Variants in CFAP44 observed in about 807,000 individuals in gnomAD.
CFAP44 encodes the protein cilia- and flagella-associated protein 44.
A neutral mutation model predicts 216.2 loss-of-function variants in CFAP44; 134 were observed. The ratio of observed to expected loss-of-function variants is 0.62; its 90% CI spans 0.54 to 0.72. The LOEUF is 0.72. Among genes scored for constraint, CFAP44 ranks in the 30% least tolerant of loss-of-function variants. The pLI, the probability that CFAP44 is intolerant of heterozygous loss-of-function variation, is 0.00. For missense variants in CFAP44, 2,035 were observed against 2,182.1 expected, an observed-to-expected ratio of 0.93 and a Z score of 1.34; for synonymous variants, 700 against 727.6, an observed-to-expected ratio of 0.96 and a Z score of 0.61.
rs560842165 is a variant in CFAP44, at chr3:113,302,750, G to C, written c.5077+1166C>G. 2.1e-5 allele frequency among the ~76,000 whole-genome samples: 3 copies of C among 139,926 alleles called. No homozygotes were observed. The South Asian group carries it at 6.9e-4, about 32-fold the overall frequency. The allele number at this position is 139,926 out of a possible 152,430, so 91.8% of individuals were successfully genotyped here. A position where few individuals can be genotyped will look rare whatever the true frequency, so the allele number is the denominator to read the frequency against. ...CGATAGAGGTGAGACTCCAGCCTGGGCGATAGAGTGAGACTCCATCTCAAA... is the reference window on the plus strand; with the variant it reads ...CGATAGAGGTGAGACTCCAGCCTGGCCGATAGAGTGAGACTCCATCTCAAA... On this transcript the variant is annotated intron_variant, in intron 32 of 34. Transcript: ENST00000393845.
In CFAP44 at chr3:113,401,775, G is replaced by C. The variant is rs762848188; in HGVS notation, c.1171-36C>G. 20 of 1,547,332 alleles carry C rather than the reference G, an allele frequency of 1.3e-5. No individual in the cohort carries two copies. In the South Asian group the frequency reaches 2.2e-4, roughly 17 times the overall value. ...GAAAAGAAAATACTTTAATCGATCA[G>C]TAGTTTCTGAACATTTATTTTCTAA... On this transcript the variant is annotated intron_variant, in intron 9 of 34. Coordinates refer to ENST00000393845, the MANE Select transcript of CFAP44 (RefSeq NM_001164496.2).
At position 113,303,924 on chromosome 3, in the gene CFAP44, G is replaced by A. The variant is rs555158379; in HGVS notation, c.5069C>T (p.Thr1690Ile). 18 of 1,537,544 alleles carry A rather than the reference G, an allele frequency of 1.2e-5. No individual in the cohort carries two copies. In the African/African-American group the frequency reaches 1.5e-4, roughly 13 times the overall value. ...TGGGCTTAGATACTCACTGTGTATG[G>A]TTTTTGTCATTTCTCTCTTTTCTCG... ...LIREKREMTK[T>I]IHKMEETVRQ... Residue 1690 changes from threonine to isoleucine, a missense_variant, in exon 32 of 35, where the codon ACC becomes ATC. Coordinates refer to ENST00000393845, the MANE Select transcript of CFAP44 (RefSeq NM_001164496.2).
intron 2 of CFAP44, among the ~76,000 whole-genome samples, chr3:113,430,555 A>G (rs931839216): frequency 2.0e-5 from 3 of 152,130 alleles, no homozygotes; most frequent in Non-Finnish European, 4.4e-5. Context: ...AATCTGCAAC[A>G]TCAAGAATGA....
intron 34 of CFAP44, chr3:113,294,444 A>G (rs1367594689): frequency 6.7e-6 from 3 of 449,280 alleles, no homozygotes; most frequent in Non-Finnish European, 7.8e-6. Context: ...GACCAAGGCA[A>G]TTCTATTGAT....
chr3:113,363,475 AC>A lies in CFAP44; in HGVS notation c.2771+1del, dbSNP rs1950560798. 1 of 1,608,736 alleles carries A rather than the reference AC, an allele frequency of 6.2e-7. No homozygotes were observed. Among genetic ancestry groups the A allele is most frequent in the African/African-American group, 1.3e-5 (1 of 74,746 alleles). Reference sequence around the variant, plus strand: ...GTCAGTATTTATCAAAAATTCCCATACCTGTAGGCTTTGGGATCTTCAATGT... The same window carrying A: ...GTCAGTATTTATCAAAAATTCCCATACTGTAGGCTTTGGGATCTTCAATGT... On this transcript the variant is annotated splice_donor_variant, in intron 20 of 34. Transcript: ENST00000393845. LOFTEE classifies it high-confidence loss of function.
In CFAP44 at chr3:113,435,017, G is replaced by C. The variant is rs1011350512; in HGVS notation, c.-5-1348C>G. The C allele has an allele frequency of 2.6e-5, 4 of 152,094 alleles. No individual in the cohort carries two copies. In the South Asian group the frequency reaches 6.2e-4, roughly 24 times the overall value. The allele number at this position is 152,094 out of a possible 1,614,324, so 9.4% of individuals were successfully genotyped here. A position where few individuals can be genotyped will look rare whatever the true frequency, so the allele number is the denominator to read the frequency against. ...CATAATGATGCCTTCTTTTGATATGGGGGATAACAGTACATTGTCTAAACA... is the reference window on the plus strand; with the variant it reads ...CATAATGATGCCTTCTTTTGATATGCGGGATAACAGTACATTGTCTAAACA... On this transcript the variant is annotated intron_variant, in intron 1 of 34. Coordinates refer to ENST00000393845, the MANE Select transcript of CFAP44 (RefSeq NM_001164496.2).
At chr3:113,425,935 T>C in intron 4 of CFAP44, 189 bp downstream of exon 4, 1 of 627,408 alleles carries the variant, frequency 1.6e-6, no homozygotes, top group Non-Finnish European at 2.7e-6. Flanking sequence ...TACTTATCCC[T>C]GTCCTTGTTG....
At chr3:113,329,016 T>A (rs1258761237) in intron 26 of CFAP44, among the ~76,000 whole-genome samples, 1 of 152,208 alleles carries the variant, frequency 6.6e-6, no homozygotes, top group East Asian at 1.9e-4. Flanking sequence ...TTTGCTAAAT[T>A]AATAAATTAG....
Position 113,358,810 on chromosome 3 carries a change from T to C in CFAP44, c.3000A>G (p.Gln1000=). The C allele has an allele frequency of 6.5e-7, 1 of 1,536,924 alleles. No homozygotes were observed. Among genetic ancestry groups the C allele is most frequent in the Non-Finnish European group, 8.7e-7 (1 of 1,146,640 alleles). Residue 1000 remains glutamine, a synonymous_variant, in exon 22 of 35, where the codon CAA becomes CAG. Coordinates refer to ENST00000393845, the MANE Select transcript of CFAP44 (RefSeq NM_001164496.2). The part of the protein sequence containing the change: ...MHRKTAFKIQ[Q]VEKELAWEKE... ...TTTCCCAAGCTAATTCCTTTTCCAC[T>C]TGTTGAATTTTGAAAGCTGTTTTTC...
intron 32 of CFAP44, among the ~76,000 whole-genome samples, chr3:113,299,179 T>A (rs534977497): frequency 1.9e-4 from 29 of 152,322 alleles, no homozygotes; most frequent in Non-Finnish European, 1.2e-4. Context: ...AAGGGGTTAA[T>A]AACCAGAATA....
rs140939394 is a variant in CFAP44, at chr3:113,359,297, C to T, written c.2935-422G>A. On this transcript the variant is annotated intron_variant, in intron 21 of 34. Coordinates refer to ENST00000393845, the MANE Select transcript of CFAP44 (RefSeq NM_001164496.2). ...ATAGCAGTATCTGGTGTCTTCTTGA[C>T]ATCACCAAGTTTTTGTTGAATCTCC... Among the ~76,000 whole-genome samples the T allele has an allele frequency of 3.2e-3, 480 of 152,290 alleles. 2 individuals are homozygous for T. The highest frequency in any genetic ancestry group is 0.011 in the African/African-American group (460 of 41,556).
intron 22 of CFAP44, among the ~76,000 whole-genome samples, chr3:113,349,225 A>G (rs542669558): frequency 1.3e-5 from 2 of 152,296 alleles, no homozygotes; most frequent in South Asian, 2.1e-4. Context: ...AGGCCTTAAG[A>G]AAATATACTC....
intron 25 of CFAP44, among the ~76,000 whole-genome samples, chr3:113,331,091 G>A (rs1013373147): frequency 3.3e-5 from 5 of 152,112 alleles, no homozygotes; most frequent in Admixed American, 3.3e-4. Flanking sequence ...ACTTAGGGCT[G>A]CCCACCTAGG....
intron 6 of CFAP44, among the ~76,000 whole-genome samples, chr3:113,413,905 T>C (rs531849659): frequency 1.3e-5 from 2 of 152,340 alleles, no homozygotes; most frequent in Admixed American, 1.3e-4. Context: ...AGAATGCTAA[T>C]GGTAGTTTGA....
At chr3:113,319,662 C>G (rs1471594827) in intron 28 of CFAP44, among the ~76,000 whole-genome samples, 1 of 151,888 alleles carries the variant, frequency 6.6e-6, no homozygotes, top group Non-Finnish European at 1.5e-5. Context: ...AGAATATAGT[C>G]TAAGATTGAC....
rs910611597 is a variant in CFAP44 at position 113,289,172 on chromosome 3, G to C, written c.*2385C>G. The stretch of plus-strand genomic sequence containing the variant: ...TAACTACAGATTTAAGACTAAGCCT[G>C]GAATCAAGTTGAAATGAACCTAAAG... On this transcript the variant is annotated 3_prime_UTR_variant, in exon 35 of 35. Transcript: ENST00000393845. 6.6e-6 allele frequency: 1 copy of C among 152,168 alleles called. No individual in the cohort carries two copies. The highest frequency in any genetic ancestry group is 1.9e-4 in the East Asian group (1 of 5,198). 9.4% of individuals were successfully genotyped at this position (152,168 alleles called of 1,614,324 possible).
rs1456601203 is a variant in CFAP44 at position 113,409,143 on chromosome 3, C to T, written c.853G>A (p.Glu285Lys). ...VFKVTFNPDK[E>K]EQLTTSGSGH... ...GATCCCGATGTAGTAAGCTGCTCTT[C>T]CTTATCAGGATTGAAAGTAACCTTA... The change falls in exon 7 of 35, where the codon GAA (glutamate) becomes AAA (lysine). Residue 285 changes from glutamate to lysine, a missense_variant. By Grantham distance (56) the Glu-to-Lys change is moderately conservative. Transcript: ENST00000393845. 2 of 1,613,674 alleles carry T rather than the reference C, an allele frequency of 1.2e-6. No homozygotes were observed. Among genetic ancestry groups the T allele is most frequent in the Non-Finnish European group, 1.7e-6 (2 of 1,179,936 alleles).
At chr3:113,354,511 A>G (rs1307548138) in intron 22 of CFAP44, among the ~76,000 whole-genome samples, 1 of 152,184 alleles carries the variant, frequency 6.6e-6, no homozygotes, top group African/African-American at 2.4e-5. Flanking sequence ...GGTCAGGCCT[A>G]TGACTACCAG....
At chr3:113,378,609 C>T (rs1559929373) in intron 17 of CFAP44, among the ~76,000 whole-genome samples, 1 of 152,120 alleles carries the variant, frequency 6.6e-6, no homozygotes, top group Non-Finnish European at 1.5e-5. Flanking sequence ...GTGGAGGGAA[C>T]TGAAAATTGT....
Sources: allele counts gnomAD v4.1 joint callset (sites outside exome capture counted in the v4.1 genomes callset), GRCh38; gene constraint gnomAD v4.1.1; transcripts MANE v1.5; gene names NCBI Gene and HGNC (gene_info 2026-07-23, HGNC 2026-07-21).